The following ECE1 variants were observed in gnomAD, a reference collection of about 807,000 sequenced individuals.
The protein encoded by ECE1 is endothelin-converting enzyme 1.
A neutral mutation model predicts 98.6 loss-of-function variants in ECE1; 35 were observed. That is an observed-to-expected ratio of 0.35 (90% CI 0.27 to 0.47). The LOEUF (loss-of-function observed/expected upper bound fraction) is 0.47, where lower values mean the gene tolerates loss of function less well. Among genes scored for constraint, ECE1 ranks in the 20% least tolerant of loss-of-function variants. The pLI, the probability that ECE1 is intolerant of heterozygous loss-of-function variation, is 1.00. For missense variants in ECE1, 814 were observed against 1,025.3 expected, an observed-to-expected ratio of 0.79 and a Z score of 2.81; for synonymous variants, 394 against 407.1, an observed-to-expected ratio of 0.97 and a Z score of 0.39.
chr1:21,317,300 G>A (rs1638850608), intron 1 of ECE1, among the ~76,000 whole-genome samples: 1 of 152,092 alleles, frequency 6.6e-6, no homozygotes, highest in Admixed American at 6.6e-5. Flanking sequence ...TTAGCTCCCG[G>A]GACTCTTCTG....
chr1:21,288,147 C>A (rs2098262659), intron 2 of ECE1, among the ~76,000 whole-genome samples: 1 of 152,230 alleles, frequency 6.6e-6, no homozygotes, highest in Admixed American at 6.5e-5. Context: ...CCTTGCATAA[C>A]CTCTTTGCCT....
At chr1:21,228,166 A>T in intron 14 of ECE1, 125 bp from the exon 15 acceptor site, 1 of 672,666 alleles carries the variant, frequency 1.5e-6, no homozygotes, top group Non-Finnish European at 2.5e-6. Context: ...CCTTGACCCC[A>T]GGCCCAAGTG....
intron 1 of ECE1, among the ~76,000 whole-genome samples, chr1:21,339,612 C>A (rs1639364227): frequency 6.6e-6 from 1 of 152,248 alleles, no homozygotes; most frequent in Non-Finnish European, 1.5e-5. Context: ...TCTCAGTCTT[C>A]CCACTTGTCA....
Position 21,260,469 on chromosome 1 carries a change from G to A in ECE1, c.494-77C>T, listed in dbSNP as rs1041795318. On this transcript the variant is annotated intron_variant, in intron 4 of 18. Transcript: ENST00000374893. The surrounding 1 kb of genome is among the most constrained non-coding windows in gnomAD (Gnocchi z 4.3). ...TGGCTTTGGGGCAGTCCCTCTTTTC[G>A]GAGCCTTGGTGTTCTCAGCTGCAAA... 16 of 1,575,454 alleles carry A rather than the reference G, an allele frequency of 1.0e-5. No homozygotes were observed. Among genetic ancestry groups the A allele is most frequent in the East Asian group, 2.2e-5 (1 of 44,684 alleles).
intron 1 of ECE1, among the ~76,000 whole-genome samples, chr1:21,338,368 C>A (rs544609054): frequency 9.2e-5 from 14 of 152,188 alleles, no homozygotes; most frequent in African/African-American, 3.4e-4. Context: ...TTTAATCAAA[C>A]CTTATCCTGT....
Position 21,258,605 on chromosome 1 carries a change from C to T in ECE1, c.762+88G>A. 1 of 1,455,888 alleles carries T rather than the reference C, an allele frequency of 6.9e-7. No homozygotes were observed. The highest frequency in any genetic ancestry group is 9.5e-7 in the Non-Finnish European group (1 of 1,057,186). The allele number at this position is 1,455,888 out of a possible 1,614,324, so 90.2% of individuals were successfully genotyped here. Reference sequence around the variant, plus strand: ...AGACCGCCGTCCCACCCAGGGCAAGCCCCTCTCCCACCCCAGGTCCTGCTA... The same window carrying T: ...AGACCGCCGTCCCACCCAGGGCAAGTCCCTCTCCCACCCCAGGTCCTGCTA... On this transcript the variant is annotated intron_variant, in intron 6 of 18. Coordinates refer to ENST00000374893, the MANE Select transcript of ECE1 (RefSeq NM_001397.3). This position sits in a 1 kb window ranked among gnomAD's most constrained non-coding sequence, Gnocchi z 4.2.
rs572271153 is a variant in ECE1 at position 21,304,270 on chromosome 1, C to T, written c.4-14114G>A. On this transcript the variant is annotated intron_variant, in intron 1 of 18. Coordinates refer to the ECE1 transcript ENST00000415912. ...GGCGGAGCTTGCAGTGAGCCGAGATCGCGCCACGGCACTCCAGCCTGGGCA... is the reference window on the plus strand; with the variant it reads ...GGCGGAGCTTGCAGTGAGCCGAGATTGCGCCACGGCACTCCAGCCTGGGCA... 7.6e-4 allele frequency among the ~76,000 whole-genome samples: 108 copies of T among 142,688 alleles called. 2 individuals are homozygous for T. In the South Asian group the frequency reaches 0.011, roughly 14 times the overall value. 93.6% of individuals were successfully genotyped at this position (142,688 alleles called of 152,430 possible).
rs1272725985 is a variant in ECE1 at position 21,304,566 on chromosome 1, A to G, written c.4-14410T>C. The stretch of plus-strand genomic sequence containing the variant: ...ATTTCTCATATCCTTGTCTTGGTCA[A>G]AAGTGAAATGATTTACATGCAGCTT... On this transcript the variant is annotated intron_variant, in intron 1 of 18. Coordinates refer to the ECE1 transcript ENST00000415912. Among the ~76,000 whole-genome samples the G allele has an allele frequency of 3.3e-5, 5 of 152,314 alleles. No homozygotes were observed. The South Asian group carries it at 8.3e-4, about 25-fold the overall frequency.
chr1:21,336,670 T>C (rs1332000505), intron 1 of ECE1, among the ~76,000 whole-genome samples: 1 of 152,120 alleles, frequency 6.6e-6, no homozygotes, highest in African/African-American at 2.4e-5. Flanking sequence ...AGTGAAACCC[T>C]GTCTCAACTA....
upstream of ECE1, chr1:21,290,557 A>C: frequency 5.0e-6 from 6 of 1,191,172 alleles, no homozygotes; most frequent in Non-Finnish European, 6.2e-6. This position sits in a 1 kb window ranked among gnomAD's most constrained non-coding sequence, Gnocchi z 7.3. Context: ...GGGAGACCCC[A>C]AGACCCGAGA....
At position 21,247,336 on chromosome 1, in the gene ECE1, G is replaced by A. The variant is rs749145099; in HGVS notation, c.1048C>T (p.Pro350Ser). 6.2e-7 allele frequency: 1 copy of A among 1,614,232 alleles called. No homozygotes were observed. Among genetic ancestry groups the A allele is most frequent in the East Asian group, 2.2e-5 (1 of 44,888 alleles). Reference protein sequence around the residue: ...QTLAPAINWLPFLNTIFYPVE... With the variant: ...QTLAPAINWLSFLNTIFYPVE... ...GGGTAGAAGATGGTGTTGAGAAAAG[G>A]CAACCAGTTGATGGCGGGTGCCAAG... Residue 350 changes from proline (P) to serine (S), a missense_variant, in exon 9 of 19, where the codon CCT (proline) becomes TCT (serine). Physicochemically the swap from Pro to Ser is moderately conservative, Grantham distance 74. Transcript: ENST00000374893.
intron 2 of ECE1, among the ~76,000 whole-genome samples, chr1:21,283,394 C>G (rs1345852481): frequency 6.6e-6 from 1 of 151,956 alleles, no homozygotes; most frequent in African/African-American, 2.4e-5. Context: ...CCTCAGCGTC[C>G]CGAGTAGCTG....
intron 1 of ECE1, among the ~76,000 whole-genome samples, chr1:21,297,873 T>C (rs1638402853): frequency 6.6e-6 from 1 of 151,854 alleles, no homozygotes. Context: ...GGTCTCGCTC[T>C]GTCACCCAGG....
At chr1:21,248,876 GC>G (rs1558385546) in intron 8 of ECE1, among the ~76,000 whole-genome samples, 2 of 151,752 alleles carry the variant, frequency 1.3e-5, no homozygotes, top group African/African-American at 4.8e-5. Flanking sequence ...GCCTGCCTCG[GC>G]CTCCCAAAGG....
intron 2 of ECE1, among the ~76,000 whole-genome samples, chr1:21,282,100 A>G (rs1452851105): frequency 1.3e-5 from 2 of 152,184 alleles, no homozygotes; most frequent in South Asian, 4.1e-4. Context: ...CAGCCTGGGC[A>G]ACACAGTCAG....
At chr1:21,339,039 T>C (rs1639353125) in intron 1 of ECE1, among the ~76,000 whole-genome samples, 1 of 151,484 alleles carries the variant, frequency 6.6e-6, no homozygotes, top group South Asian at 2.1e-4. Flanking sequence ...ACATCAGGTG[T>C]TAGGGGTGGG....
intron 1 of ECE1, among the ~76,000 whole-genome samples, chr1:21,302,371 C>T (rs1774960): frequency 3.1e-4 from 47 of 152,284 alleles, no homozygotes; most frequent in African/African-American, 1.1e-3. Context: ...GCTCTGTGAC[C>T]CGGGGAGTCT....
intron 4 of ECE1, among the ~76,000 whole-genome samples, chr1:21,262,976 G>A (rs554181324): frequency 6.6e-6 from 1 of 152,304 alleles, no homozygotes; most frequent in Admixed American, 6.5e-5. Context: ...TGAGGCAAAC[G>A]GCAGCCAAGG....
chr1:21,333,200 C>T (rs963006910), intron 1 of ECE1, among the ~76,000 whole-genome samples: 9 of 152,060 alleles, frequency 5.9e-5, no homozygotes, highest in Non-Finnish European at 1.0e-4. Context: ...ATTGGTGGTG[C>T]GTGGTAGGGA....
Sources: allele counts gnomAD v4.1 joint callset (sites outside exome capture counted in the v4.1 genomes callset), GRCh38; gene constraint gnomAD v4.1.1; non-coding constraint Gnocchi (gnomAD v3.1); transcripts MANE v1.5; gene names NCBI Gene and HGNC (gene_info 2026-07-23, HGNC 2026-07-21).